The following TMC3 variants were observed in gnomAD, a reference collection of about 807,000 sequenced individuals.
The protein encoded by TMC3 is transmembrane channel-like protein 3.
Under a neutral mutation model 110.6 loss-of-function variants are expected in TMC3, and 98 were observed. The ratio of observed to expected loss-of-function variants is 0.89; its 90% CI spans 0.75 to 1.05. TMC3 has a LOEUF of 1.05. Ranked by LOEUF, TMC3 falls within the 50% of genes least tolerant of loss-of-function variation. The pLI, the probability that TMC3 is intolerant of heterozygous loss-of-function variation, is 0.00. For missense variants in TMC3, 1,319 were observed against 1,373.2 expected (o/e 0.96, Z 0.62); for synonymous variants, 489 against 513.1 (o/e 0.95, Z 0.63).
At chr15:81,341,903 A>G (rs1430947644) in intron 15 of TMC3, among the ~76,000 whole-genome samples, 3 of 152,202 alleles carry the variant, frequency 2.0e-5, no homozygotes, top group African/African-American at 7.2e-5. Context: ...GGTTTAATCA[A>G]CATATTTTGG....
intron 16 of TMC3, 49 bp downstream of exon 16, chr15:81,341,341 A>C (rs778481656): frequency 2.6e-6 from 4 of 1,553,648 alleles, no homozygotes; most frequent in Non-Finnish European, 3.5e-6. Flanking sequence ...CATGGATTAT[A>C]TATATGTATA....
intron 1 of TMC3, 73 bp downstream of exon 1, chr15:81,373,916 G>T: frequency 7.2e-7 from 1 of 1,380,068 alleles, no homozygotes. Flanking sequence ...TTTGTCCCTC[G>T]CTCTGGTGAC....
rs915699241 is a variant in TMC3 at position 81,358,135 on chromosome 15, T to G, written c.743+14A>C. The G allele has an allele frequency of 1.9e-6, 3 of 1,571,810 alleles. No homozygotes were observed. Among genetic ancestry groups the G allele is most frequent in the Non-Finnish European group, 1.7e-6 (2 of 1,161,568 alleles). ...AACGCTTGATATGTATTTTGAGAAA[T>G]TGAGCAGTCATACTTTTTTAAAAGA... On this transcript the variant is annotated intron_variant, in intron 7 of 21. Transcript: ENST00000359440.
At chr15:81,340,639 C>G (rs997431422) in intron 16 of TMC3, among the ~76,000 whole-genome samples, 9 of 152,168 alleles carry the variant, frequency 5.9e-5, no homozygotes, top group African/African-American at 2.2e-4. Flanking sequence ...ACACTTGGAA[C>G]TCTCATATAA....
At chr15:81,367,245 C>T (rs187759488) in intron 3 of TMC3, among the ~76,000 whole-genome samples, 177 of 152,198 alleles carry the variant, frequency 1.2e-3, no homozygotes, top group Non-Finnish European at 2.1e-3. Flanking sequence ...TGATGGAATA[C>T]CACACAGTCA....
intron 13 of TMC3, 52 bp downstream of exon 13, chr15:81,344,714 G>A (rs1342557778): frequency 7.0e-6 from 11 of 1,563,680 alleles, no homozygotes; most frequent in Non-Finnish European, 9.6e-6. Flanking sequence ...AGTTGCTGGG[G>A]TTAAGTGATG....
chr15:81,354,895 A>G (rs1894026787), intron 9 of TMC3, among the ~76,000 whole-genome samples: 1 of 152,058 alleles, frequency 6.6e-6, no homozygotes, highest in Admixed American at 6.6e-5. Context: ...CTGGTGGAGG[A>G]GAGCTACAGA....
At chr15:81,365,394 C>T (rs961190106) in intron 3 of TMC3, among the ~76,000 whole-genome samples, 13 of 152,206 alleles carry the variant, frequency 8.5e-5, no homozygotes, top group Non-Finnish European at 1.6e-4. Context: ...AAAAAAGGGC[C>T]GGGCGCGATG....
chr15:81,355,600 A>G (rs1322015084), intron 9 of TMC3, 125 bp downstream of exon 9: 1 of 713,170 alleles, frequency 1.4e-6, no homozygotes, highest in Admixed American at 2.9e-5. Context: ...TCACATTATG[A>G]GAAAGGAAGA....
chr15:81,337,368 TGAGA>T (rs1328163117), intron 19 of TMC3, among the ~76,000 whole-genome samples: 1 of 152,128 alleles, frequency 6.6e-6, no homozygotes, highest in Non-Finnish European at 1.5e-5. Context: ...GGGACTGCTC[TGAGA>T]GATAGGGTTT....
Position 81,372,687 on chromosome 15 carries a change from G to A in TMC3, c.140C>T (p.Pro47Leu), listed in dbSNP as rs756019108. ...CTGTATATTCTGGAAGATTTGTTCC[G>A]GATCATTGCTGTCCCCTGTTTCATC... is the stretch of plus-strand genomic sequence containing the variant. ...SADETGDSNDPEQIFQNIQFQ... is the reference protein window; with the variant it reads ...SADETGDSNDLEQIFQNIQFQ... The change falls in exon 2 of 22, where the codon CCG (proline) becomes CTG (leucine). Residue 47 changes from proline to leucine, a missense_variant. Physicochemically the swap from Pro to Leu is moderately conservative, Grantham distance 98 (BLOSUM62 -3). Coordinates refer to ENST00000359440, the MANE Select transcript of TMC3 (RefSeq NM_001080532.3). The A allele has an allele frequency of 2.1e-5, 34 of 1,613,792 alleles. No homozygotes were observed. The highest frequency in any genetic ancestry group is 1.2e-4 in the African/African-American group (9 of 74,892).
At chr15:81,335,087 A>G (rs189853979) in intron 20 of TMC3, 112 bp from the exon 21 acceptor site, 2 of 1,189,308 alleles carry the variant, frequency 1.7e-6, no homozygotes, top group African/African-American at 1.5e-5. Context: ...TCCGCAAACA[A>G]TTGAGTGCAC....
At position 81,343,964 on chromosome 15, in the gene TMC3, C is replaced by T. The variant is rs750734417; in HGVS notation, c.1600G>A (p.Val534Met). 6.0e-5 allele frequency: 97 copies of T among 1,613,220 alleles called. No individual in the cohort carries two copies. The highest frequency in any genetic ancestry group is 4.2e-4 in the Admixed American group (25 of 60,006). Residue 534 changes from valine to methionine, a missense_variant, in exon 14 of 22, where the codon GTG (valine) becomes ATG (methionine). Physicochemically the swap from Val to Met is conservative, Grantham distance 21. Transcript: ENST00000359440. ...CACCAGTAGTCACTTAAGTACCGCA[C>T]GAAAAGTCCTCGGAAGAAGTCTATG... The part of the protein sequence containing the change: ...LLIDFFRGLF[V>M]RYLSDYWCWD...
At position 81,359,455 on chromosome 15, in the gene TMC3, G is replaced by T. The variant is rs113015847; in HGVS notation, c.411C>A (p.Gly137=). ...TCAAGAATATGAAATAGGAGGCAAC[G>T]CCAGATCCAAAATGACCTAAAGAAA... ...IKKIESHFGS[G]VASYFIFLRW... is the part of the protein sequence containing the mutation. Residue 137 remains glycine, a synonymous_variant, in exon 5 of 22, where the codon GGC becomes GGA. Transcript: ENST00000359440. The T allele has an allele frequency of 6.9e-6, 11 of 1,594,692 alleles. No individual in the cohort carries two copies. The East Asian group carries it at 2.2e-4, about 33-fold the overall frequency.
intron 5 of TMC3, 45 bp from the exon 6 acceptor site, chr15:81,358,545 G>A (rs1361325486): frequency 1.3e-6 from 2 of 1,492,570 alleles, no homozygotes; most frequent in Admixed American, 2.0e-5. Context: ...TGGGTGGGAG[G>A]GGACCGGGAG....
rs1264982593 is a variant in TMC3, at chr15:81,372,702, CCT to C, written c.123_124del (p.Asp43GlnfsTer3). On this transcript the variant is annotated frameshift_variant, in exon 2 of 22. Coordinates refer to ENST00000359440, the MANE Select transcript of TMC3 (RefSeq NM_001080532.3). LOFTEE classifies it high-confidence loss of function. The stretch of plus-strand genomic sequence containing the variant: ...GATTTGTTCCGGATCATTGCTGTCC[CCT>C]GTTTCATCAGCACTAAAGCTGTCAT... 1.2e-6 allele frequency: 2 copies of C among 1,613,826 alleles called. No homozygotes were observed. The highest frequency in any genetic ancestry group is 1.7e-6 in the Non-Finnish European group (2 of 1,179,888).
chr15:81,355,715 T>C lies in TMC3; in HGVS notation c.935+10A>G. ...TCAATGAATTCAGCATGGGGAGTAA[T>C]AATACCTACAGGTTTTTGCTTTTCT... On this transcript the variant is annotated intron_variant, in intron 9 of 21. Coordinates refer to ENST00000359440, the MANE Select transcript of TMC3 (RefSeq NM_001080532.3). The C allele has an allele frequency of 1.9e-6, 3 of 1,585,394 alleles. No homozygotes were observed. The highest frequency in any genetic ancestry group is 2.6e-6 in the Non-Finnish European group (3 of 1,158,742).
chr15:81,363,894 T>G (rs1239834403), intron 3 of TMC3, among the ~76,000 whole-genome samples: 1 of 152,174 alleles, frequency 6.6e-6, no homozygotes, highest in Non-Finnish European at 1.5e-5. Flanking sequence ...TTGGAAAGCA[T>G]TGAGTCTCTG....
chr15:81,344,761 A>G lies in TMC3; in HGVS notation c.1518+5T>C, dbSNP rs1394675174. 1.2e-6 allele frequency: 2 copies of G among 1,613,478 alleles called. No individual in the cohort carries two copies. The highest frequency in any genetic ancestry group is 1.3e-5 in the African/African-American group (1 of 75,024). On this transcript the variant is annotated splice_donor_5th_base_variant and intron_variant, in intron 13 of 21. Coordinates refer to ENST00000359440, the MANE Select transcript of TMC3 (RefSeq NM_001080532.3). ...ACAGAGCTTTGTAAGGGTAAAGAGA[A>G]CCACCTGACCAACGTATGTCTCCCA... is the stretch of plus-strand genomic sequence containing the variant.
Sources: gnomAD v4.1 joint callset for allele counts (sites outside exome capture counted in the v4.1 genomes callset) on GRCh38, gnomAD v4.1.1 for gene constraint, MANE v1.5 for transcripts, NCBI Gene and HGNC (gene_info 2026-07-23, HGNC 2026-07-21) for gene names.